The following ZNF225 variants were observed in gnomAD, a reference collection of about 807,000 sequenced individuals.
The protein encoded by ZNF225 is zinc finger protein 225.
Under a neutral mutation model 12.0 loss-of-function variants are expected in ZNF225, and 6 were observed. That is an observed-to-expected ratio of 0.50 (90% CI 0.27 to 0.98). ZNF225 has a LOEUF of 0.98. Ranked by LOEUF, ZNF225 falls within the 50% of genes least tolerant of loss-of-function variation. ZNF225 has a pLI of 0.11. For synonymous variants in ZNF225, 271 were observed against 283.2 expected, an observed-to-expected ratio of 0.96 and a Z score of 0.43; for missense variants, 763 against 848.2, an observed-to-expected ratio of 0.90 and a Z score of 1.25.
At chr19:44,114,908 T>C (rs756391972) in intron 1 of ZNF225, among the ~76,000 whole-genome samples, 1 of 152,198 alleles carries the variant, frequency 6.6e-6, no homozygotes, top group Non-Finnish European at 1.5e-5. Flanking sequence ...AAAGTCATGT[T>C]TGTCAGATTT....
At chr19:44,130,700 CAAAAAAAAAA>C (rs775988972) in intron 4 of ZNF225, 140 bp from the exon 5 acceptor site, 25 of 169,962 alleles carry the variant, frequency 1.5e-4, no homozygotes, top group African/African-American at 3.3e-4. Context: ...GACTCCATCT[CAAAAAAAAAA>C]AAAAAAAAAA....
chr19:44,122,907 T>C (rs776197792), intron 4 of ZNF225, among the ~76,000 whole-genome samples: 10 of 152,150 alleles, frequency 6.6e-5, no homozygotes, highest in African/African-American at 1.7e-4. Context: ...GAGGAGTCTT[T>C]AGGATTTTCA....
rs759882820 is a variant in ZNF225 at position 44,132,680 on chromosome 19, A to G, written c.2066A>G (p.Tyr689Cys). Residue 689 changes from tyrosine to cysteine, a missense_variant, in exon 5 of 5, where the codon TAC (tyrosine) becomes TGC (cysteine). Coordinates refer to ENST00000262894, the MANE Select transcript of ZNF225 (RefSeq NM_013362.4). ...TSKCEDCGKR[Y>C]KRRLNLDTLL... ...AAATGTGAGGACTGTGGGAAGCGCT[A>G]CAAGAGGCGCTTGAATCTTGATACG... 2.5e-6 allele frequency: 4 copies of G among 1,609,628 alleles called. No individual in the cohort carries two copies. The highest frequency in any genetic ancestry group is 3.4e-5 in the Admixed American group (2 of 58,682).
intron 4 of ZNF225, chr19:44,128,826 C>G (rs1207983451): frequency 2.6e-6 from 1 of 387,632 alleles, no homozygotes; most frequent in East Asian, 3.6e-5. Context: ...TATTTTACAG[C>G]TCACTAAGAG....
At chr19:44,111,439 C>T (rs1967828888), upstream of ZNF225, among the ~76,000 whole-genome samples, 1 of 152,006 alleles carries the variant, frequency 6.6e-6, no homozygotes, top group African/African-American at 2.4e-5. Context: ...CCTCTCAAAA[C>T]AAAAAACAAA....
chr19:44,117,457 T>C (rs937726433), intron 2 of ZNF225, among the ~76,000 whole-genome samples: 4 of 152,302 alleles, frequency 2.6e-5, no homozygotes, highest in Admixed American at 1.3e-4. Flanking sequence ...AATGATAACA[T>C]TCAGGGTTCA....
At chr19:44,124,536 T>G (rs1968110970) in intron 4 of ZNF225, among the ~76,000 whole-genome samples, 1 of 152,214 alleles carries the variant, frequency 6.6e-6, no homozygotes, top group African/African-American at 2.4e-5. Context: ...GTCCATTTGT[T>G]GCAAGACATA....
In ZNF225 at chr19:44,134,542, T is replaced by A. The variant is rs1026859454; in HGVS notation, c.*1807T>A. 1 of 152,238 alleles carries A rather than the reference T, an allele frequency of 6.6e-6. No individual in the cohort carries two copies. The highest frequency in any genetic ancestry group is 2.4e-5 in the African/African-American group (1 of 41,458). 9.4% of individuals were successfully genotyped at this position (152,238 alleles called of 1,614,324 possible). A position where few individuals can be genotyped will look rare whatever the true frequency, so the allele number is the denominator to read the frequency against. Reference sequence around the variant, plus strand: ...GAAAACTGTTGGCTCAGTCTTCTTTTTGTTTTGTGTGTTTTGGTTTTTAAC... The same window carrying A: ...GAAAACTGTTGGCTCAGTCTTCTTTATGTTTTGTGTGTTTTGGTTTTTAAC... On this transcript the variant is annotated 3_prime_UTR_variant, in exon 5 of 5. Coordinates refer to ENST00000262894, the MANE Select transcript of ZNF225 (RefSeq NM_013362.4).
At chr19:44,123,615 C>T (rs1968094520) in intron 4 of ZNF225, among the ~76,000 whole-genome samples, 1 of 152,128 alleles carries the variant, frequency 6.6e-6, no homozygotes, top group African/African-American at 2.4e-5. Flanking sequence ...GGGAATCCAT[C>T]TGGTCCTGGA....
intron 4 of ZNF225, among the ~76,000 whole-genome samples, chr19:44,120,555 C>T (rs1968032479): frequency 6.6e-6 from 1 of 152,066 alleles, no homozygotes; most frequent in Admixed American, 6.6e-5. Context: ...TTGATGGCTG[C>T]CTATCTAATT....
chr19:44,131,802 A>G lies in ZNF225; in HGVS notation c.1188A>G (p.Gly396=). The G allele has an allele frequency of 6.2e-7, 1 of 1,614,244 alleles. No individual in the cohort carries two copies. The highest frequency in any genetic ancestry group is 8.5e-7 in the Non-Finnish European group (1 of 1,180,042). ...CAAGACATGTGCGAGTCCACAGTGG[A>G]GAGACAACATTCAAATGTGAAGAAT... is the stretch of plus-strand genomic sequence containing the variant. ...GLSRHVRVHS[G]ETTFKCEECG... is the part of the protein sequence containing the mutation. Residue 396 remains glycine, a synonymous_variant, in exon 5 of 5, where the codon GGA becomes GGG. Transcript: ENST00000262894.
chr19:44,127,668 G>A (rs943721191), intron 4 of ZNF225, among the ~76,000 whole-genome samples: 1 of 151,546 alleles, frequency 6.6e-6, no homozygotes, highest in Non-Finnish European at 1.5e-5. Context: ...TATTTTTTGA[G>A]ACGGAGTCTG....
rs566486424 is a variant in ZNF225, at chr19:44,114,211, T to C, written c.-69+642T>C. The C allele has an allele frequency of 2.1e-4, 214 of 1,021,880 alleles. No individual in the cohort carries two copies. In the African/African-American group the frequency reaches 3.3e-3, roughly 16 times the overall value. The allele number at this position is 1,021,880 out of a possible 1,614,324, so 63.3% of individuals were successfully genotyped here. A position where few individuals can be genotyped will look rare whatever the true frequency, so the allele number is the denominator to read the frequency against. On this transcript the variant is annotated intron_variant, in intron 1 of 4. Transcript: ENST00000262894. Reference sequence around the variant, plus strand: ...TTCTTGGCTTCTGAGGGCAAAGCTCTACGTGAGTGATCCTTGGCTTTTTTC... The same window carrying C: ...TTCTTGGCTTCTGAGGGCAAAGCTCCACGTGAGTGATCCTTGGCTTTTTTC...
At chr19:44,117,115 A>T (rs914428999) in intron 2 of ZNF225, among the ~76,000 whole-genome samples, 3 of 152,252 alleles carry the variant, frequency 2.0e-5, no homozygotes, top group African/African-American at 7.2e-5. Flanking sequence ...ATAATAATAA[A>T]AAAAATTTTA....
intron 4 of ZNF225, chr19:44,129,138 A>T: frequency 8.2e-7 from 1 of 1,224,828 alleles, no homozygotes; most frequent in African/African-American, 1.6e-5. Context: ...GACAAATGAG[A>T]TTATACATGT....
rs200910406 is a variant in ZNF225 at position 44,132,756 on chromosome 19, G to T, written c.*21G>T. The T allele has an allele frequency of 1.3e-5, 20 of 1,520,994 alleles. No homozygotes were observed. In the East Asian group the frequency reaches 4.7e-4, roughly 36 times the overall value. The allele number at this position is 1,520,994 out of a possible 1,614,324, so 94.2% of individuals were successfully genotyped here. Reference sequence around the variant, plus strand: ...CATAACTGTTGTACTCATTTATGGGGTACAGTGTGATAGTTAATGCAAGTA... The same window carrying T: ...CATAACTGTTGTACTCATTTATGGGTTACAGTGTGATAGTTAATGCAAGTA... On this transcript the variant is annotated 3_prime_UTR_variant, in exon 5 of 5. Coordinates refer to ENST00000262894, the MANE Select transcript of ZNF225 (RefSeq NM_013362.4).
chr19:44,117,555 AC>A (rs2147554006), intron 2 of ZNF225, among the ~76,000 whole-genome samples: 1 of 152,320 alleles, frequency 6.6e-6, no homozygotes, highest in South Asian at 2.1e-4. Flanking sequence ...ATTCACTGAA[AC>A]CTATATACGT....
chr19:44,118,897 A>G (rs1369564078), intron 4 of ZNF225, among the ~76,000 whole-genome samples: 1 of 151,714 alleles, frequency 6.6e-6, no homozygotes, highest in Admixed American at 6.6e-5. Context: ...GCTCACTGCA[A>G]GCTCCGCTTC....
Position 44,132,947 on chromosome 19 carries a change from C to A in ZNF225, c.*212C>A. The A allele has an allele frequency of 2.4e-6, 1 of 419,218 alleles. No homozygotes were observed. The highest frequency in any genetic ancestry group is 4.1e-6 in the Non-Finnish European group (1 of 242,022). 26.0% of individuals were successfully genotyped at this position (419,218 alleles called of 1,614,324 possible). On this transcript the variant is annotated 3_prime_UTR_variant, in exon 5 of 5. Coordinates refer to ENST00000262894, the MANE Select transcript of ZNF225 (RefSeq NM_013362.4). The stretch of plus-strand genomic sequence containing the variant: ...GTGGTGTAAAACACTAGAACTTATT[C>A]CTCCTACCTGCCTGTATTTCTGTAT...
Sources: allele counts gnomAD v4.1 joint callset (sites outside exome capture counted in the v4.1 genomes callset), GRCh38; gene constraint gnomAD v4.1.1; transcripts MANE v1.5; gene names NCBI Gene and HGNC (gene_info 2026-07-23, HGNC 2026-07-21).